FOXP2: variants seen among roughly 807,000 people sequenced by gnomAD.
FOXP2 encodes forkhead box P2, also known as forkhead box protein P2.
In FOXP2, 12 loss-of-function variants were observed where a neutral mutation model predicts 115.8. The ratio of observed to expected loss-of-function variants is 0.10; its 90% CI spans 0.07 to 0.17. The LOEUF is 0.17. FOXP2 is among the 10% of genes least tolerant of loss of function. The pLI is 1.00. For missense variants in FOXP2, 629 were observed against 843.5 expected, an observed-to-expected ratio of 0.75 and a Z score of 3.15; for synonymous variants, 328 against 297.7, an observed-to-expected ratio of 1.10 and a Z score of -1.05.
At chr7:114,427,455 CAA>C (rs1793910259) in intron 2 of FOXP2, among the ~76,000 whole-genome samples, 1 of 150,764 alleles carries the variant, frequency 6.6e-6, no homozygotes, top group Non-Finnish European at 1.5e-5. Context: ...TTCACTGACT[CAA>C]GTCTGTAGAA....
At chr7:114,319,029 C>T (rs960140520) in intron 2 of FOXP2, among the ~76,000 whole-genome samples, 3 of 152,038 alleles carry the variant, frequency 2.0e-5, no homozygotes, top group Non-Finnish European at 4.4e-5. Flanking sequence ...GGTTCCAATA[C>T]CAGATTAGCT....
intron 3 of FOXP2, chr7:114,570,956 T>C (rs1563006567): frequency 1.6e-6 from 2 of 1,280,430 alleles, no homozygotes; most frequent in East Asian, 2.3e-5. Context: ...AAATAGATTA[T>C]ATGTGATTTT....
At chr7:114,102,730 A>ACC (rs1416260230) in intron 1 of FOXP2, among the ~76,000 whole-genome samples, 3 of 150,910 alleles carry the variant, frequency 2.0e-5, no homozygotes, top group Non-Finnish European at 4.4e-5. Flanking sequence ...ACACACACAC[A>ACC]CACCCCAATG....
chr7:114,290,232 T>C (rs1796560477), intron 2 of FOXP2, among the ~76,000 whole-genome samples: 1 of 151,950 alleles, frequency 6.6e-6, no homozygotes, highest in African/African-American at 2.4e-5. Flanking sequence ...TAGTTTTATC[T>C]CCATTTCACC....
At chr7:114,250,530 A>C (rs1187921356) in intron 1 of FOXP2, among the ~76,000 whole-genome samples, 1 of 152,154 alleles carries the variant, frequency 6.6e-6, no homozygotes, top group East Asian at 1.9e-4. Context: ...TTTGATCTGC[A>C]TTTCCCTGAT....
intron 2 of FOXP2, among the ~76,000 whole-genome samples, chr7:114,352,999 G>A (rs1791530608): frequency 6.6e-6 from 1 of 151,990 alleles, no homozygotes; most frequent in South Asian, 2.1e-4. Context: ...TTCTTACCCT[G>A]TCTGTAATGA....
rs115901309 is a variant in FOXP2, at chr7:114,091,517, G to A, written c.-247+3679G>A. On this transcript the variant is annotated intron_variant, in intron 1 of 19. Coordinates refer to the FOXP2 transcript ENST00000635638. ...GTATAATCTCAATTTTATAATTGGAGTGATTAGGAATTTGTATTTATCTAT... is the reference window on the plus strand; with the variant it reads ...GTATAATCTCAATTTTATAATTGGAATGATTAGGAATTTGTATTTATCTAT... Among the ~76,000 whole-genome samples the A allele has an allele frequency of 2.6e-3, 401 of 151,920 alleles. 2 individuals carry two copies. The highest frequency in any genetic ancestry group is 7.9e-3 in the African/African-American group (330 of 41,522).
chr7:114,488,058 A>T lies in FOXP2; in HGVS notation c.169-46559A>T, dbSNP rs186020331. Among the ~76,000 whole-genome samples, 3 of 152,320 alleles carry T rather than the reference A, an allele frequency of 2.0e-5. No individual in the cohort carries two copies. In the East Asian group the frequency reaches 5.8e-4, roughly 29 times the overall value. On this transcript the variant is annotated intron_variant, in intron 2 of 16. Coordinates refer to ENST00000350908, the MANE Select transcript of FOXP2 (RefSeq NM_014491.4). ...CCTGAGACTGGGTAATTTATAAAGA[A>T]AAACAGATTTTATGGACTCACAGTT...
At chr7:114,675,725 G>C (rs1238217098) in intron 16 of FOXP2, among the ~76,000 whole-genome samples, 2 of 151,980 alleles carry the variant, frequency 1.3e-5, no homozygotes, top group African/African-American at 4.8e-5. Flanking sequence ...AATCTAGAAG[G>C]TTTTGATGCT....
At chr7:114,588,306 AAAAAACAAAAAC>A (rs1047943040) in intron 3 of FOXP2, among the ~76,000 whole-genome samples, 50 of 152,030 alleles carry the variant, frequency 3.3e-4, no homozygotes, top group South Asian at 4.1e-4. Flanking sequence ...ACTCTGTCTC[AAAAAACAAAAAC>A]AAAAACAAAA....
intron 2 of FOXP2, among the ~76,000 whole-genome samples, chr7:114,526,250 G>A (rs1798856293): frequency 2.0e-5 from 3 of 147,146 alleles, no homozygotes; most frequent in East Asian, 4.0e-4. Context: ...AGGCCAAGAC[G>A]GATGGATCAC....
chr7:114,461,739 C>T (rs1795567765), intron 2 of FOXP2, among the ~76,000 whole-genome samples: 1 of 152,066 alleles, frequency 6.6e-6, no homozygotes, highest in Non-Finnish European at 1.5e-5. Context: ...CCCTCCCTTC[C>T]CTTCCCTTGA....
chr7:114,509,997 G>A, intron 2 of FOXP2, among the ~76,000 whole-genome samples: 1 of 152,096 alleles, frequency 6.6e-6, no homozygotes, highest in Non-Finnish European at 1.5e-5. Flanking sequence ...CTGAGAAATA[G>A]CAGCCAGTGT....
At chr7:114,365,406 C>T (rs937150915) in intron 2 of FOXP2, among the ~76,000 whole-genome samples, 3 of 152,004 alleles carry the variant, frequency 2.0e-5, no homozygotes, top group Non-Finnish European at 2.9e-5. Flanking sequence ...CTCAAAATGG[C>T]TCTTTTGAAC....
At chr7:114,168,717 G>A (rs1206826768) in intron 1 of FOXP2, among the ~76,000 whole-genome samples, 1 of 152,184 alleles carries the variant, frequency 6.6e-6, no homozygotes, top group Non-Finnish European at 1.5e-5. Context: ...GAATCCTCAA[G>A]ACAATGGGGA....
chr7:114,544,333 G>T (rs966108868), intron 3 of FOXP2, among the ~76,000 whole-genome samples: 3 of 151,872 alleles, frequency 2.0e-5, no homozygotes, highest in African/African-American at 7.3e-5. Context: ...CAGTTAGAGA[G>T]CCTCTGTCTA....
At chr7:114,318,726 T>TATATATATATATATATATAC (rs1417603943) in intron 2 of FOXP2, among the ~76,000 whole-genome samples, 69 of 151,184 alleles carry the variant, frequency 4.6e-4, no homozygotes, top group African/African-American at 1.6e-3. Flanking sequence ...TATATATATA[T>TATATATATATATATATATAC]ACACACACAC....
intron 2 of FOXP2, among the ~76,000 whole-genome samples, chr7:114,451,757 A>G (rs960322841): frequency 6.6e-6 from 1 of 152,050 alleles, no homozygotes; most frequent in Admixed American, 6.6e-5. Flanking sequence ...TAAGTGCTCT[A>G]CAGAAAAATA....
intron 2 of FOXP2, among the ~76,000 whole-genome samples, chr7:114,501,390 T>C (rs1454271877): frequency 1.3e-5 from 2 of 152,162 alleles, no homozygotes; most frequent in African/African-American, 4.8e-5. Context: ...CATTTCTTAA[T>C]CAAAATCACT....
Sources: allele counts gnomAD v4.1 joint callset (sites outside exome capture counted in the v4.1 genomes callset), GRCh38; gene constraint gnomAD v4.1.1; transcripts MANE v1.5; gene names NCBI Gene and HGNC (gene_info 2026-07-23, HGNC 2026-07-21).